The following FNDC1 variants were observed in gnomAD, a reference collection of about 807,000 sequenced individuals.
FNDC1 encodes fibronectin type III domain containing 1.
In FNDC1, 96 loss-of-function variants were observed where a neutral mutation model predicts 168.0. That is an observed-to-expected ratio of 0.57 (90% confidence interval 0.48 to 0.68). FNDC1 has a LOEUF of 0.68. Among genes scored for constraint, FNDC1 ranks in the 30% least tolerant of loss-of-function variants. The pLI is 0.00. For synonymous variants in FNDC1, 1,099 were observed against 1,025.9 expected, an observed-to-expected ratio of 1.07 and a Z score of -1.36; for missense variants, 2,587 against 2,482.1, an observed-to-expected ratio of 1.04 and a Z score of -0.90.
chr6:159,269,242 T>TATC lies in FNDC1; in HGVS notation c.5569+1317_5569+1319dup, dbSNP rs1177899372. Among the ~76,000 whole-genome samples the TATC allele has an allele frequency of 4.4e-3, 425 of 96,380 alleles. 3 individuals carry two copies. The highest frequency in any genetic ancestry group is 0.015 in the African/African-American group (343 of 22,334). The allele number at this position is 96,380 out of a possible 152,430, so 63.2% of individuals were successfully genotyped here. A position where few individuals can be genotyped will look rare whatever the true frequency, so the allele number is the denominator to read the frequency against. ...CTATCTATCTATCTATCTATCTATC[T>TATC]ATCTATCCATCTATCATCTATCTAT... is the stretch of plus-strand genomic sequence containing the variant. On this transcript the variant is annotated intron_variant, in intron 22 of 22. Coordinates refer to ENST00000297267, the MANE Select transcript of FNDC1 (RefSeq NM_032532.3).
At chr6:159,230,619 T>C (rs1783060647) in intron 10 of FNDC1, among the ~76,000 whole-genome samples, 1 of 152,238 alleles carries the variant, frequency 6.6e-6, no homozygotes. Flanking sequence ...ATTTCAGTTG[T>C]CTAGCTTACC....
intron 14 of FNDC1, chr6:159,240,858 T>C (rs953018582): frequency 6.6e-6 from 1 of 152,214 alleles, no homozygotes; most frequent in African/African-American, 2.4e-5. Flanking sequence ...TTGAAATGAA[T>C]TGCAATGTCA....
chr6:159,248,677 A>T (rs1222755106), intron 15 of FNDC1, among the ~76,000 whole-genome samples: 1 of 152,220 alleles, frequency 6.6e-6, no homozygotes, highest in African/African-American at 2.4e-5. Context: ...AGGGAACATT[A>T]TGCAGGTAGA....
chr6:159,175,032 G>A (rs295325), intron 1 of FNDC1, among the ~76,000 whole-genome samples: 159 of 152,262 alleles, frequency 1.0e-3, no homozygotes, highest in African/African-American at 3.6e-3. Flanking sequence ...AAAATAACTT[G>A]AGAGGTGTTC....
rs112745839 is a variant in FNDC1 at position 159,179,136 on chromosome 6, C to T, written c.109+9431C>T. 4.6e-5 allele frequency among the ~76,000 whole-genome samples: 7 copies of T among 152,350 alleles called. 1 individual carries two copies. Among genetic ancestry groups the T allele is most frequent in the African/African-American group, 1.7e-4 (7 of 41,594 alleles). ...CTTAGGGCTTTTGCGCTGGCCGTTC[C>T]TTTTGCCTGAGCAACCTTCCATGAA... On this transcript the variant is annotated intron_variant, in intron 1 of 22. Transcript: ENST00000297267.
At chr6:159,211,125 C>A (rs1306412707) in intron 4 of FNDC1, among the ~76,000 whole-genome samples, 1 of 152,190 alleles carries the variant, frequency 6.6e-6, no homozygotes, top group East Asian at 1.9e-4. Flanking sequence ...GGTGGGGCAG[C>A]TGCCTGGGGT....
chr6:159,268,723 C>CATCTATCT (rs59162576), intron 22 of FNDC1, among the ~76,000 whole-genome samples: 79,295 of 149,710 alleles, frequency 0.53, 23,678 homozygotes, highest in Middle Eastern at 0.66. Context: ...TTTATGCATC[C>CATCTATCT]ATCTATCTAT....
At position 159,188,838 on chromosome 6, in the gene FNDC1, C is replaced by T. The variant is rs568706472; in HGVS notation, c.110-8593C>T. On this transcript the variant is annotated intron_variant, in intron 1 of 22. Transcript: ENST00000297267. ...TCTCAGCTCACTGCAACCTCCGCCTCCCAGGTTCAAGCGATTATCCTGCCT... is the reference window on the plus strand; with the variant it reads ...TCTCAGCTCACTGCAACCTCCGCCTTCCAGGTTCAAGCGATTATCCTGCCT... Among the ~76,000 whole-genome samples, 181 of 151,784 alleles carry T rather than the reference C, an allele frequency of 1.2e-3. 2 individuals are homozygous for T. Among genetic ancestry groups the T allele is most frequent in the African/African-American group, 4.2e-3 (173 of 41,350 alleles).
chr6:159,268,549 ATC>A lies in FNDC1; in HGVS notation c.5569+633_5569+634del, dbSNP rs372955155. On this transcript the variant is annotated intron_variant, in intron 22 of 22. Coordinates refer to ENST00000297267, the MANE Select transcript of FNDC1 (RefSeq NM_032532.3). The stretch of plus-strand genomic sequence containing the variant: ...CTCATCCAAAGAAACAATCAATAGG[ATC>A]TCTCTCTCTATCTATCCACCCATCC... Among the ~76,000 whole-genome samples, 177 of 152,230 alleles carry A rather than the reference ATC, an allele frequency of 1.2e-3. 4 individuals are homozygous for A. Among genetic ancestry groups the A allele is most frequent in the African/African-American group, 4.2e-3 (173 of 41,550 alleles).
chr6:159,204,188 C>T (rs532571862), intron 4 of FNDC1, among the ~76,000 whole-genome samples: 4 of 152,296 alleles, frequency 2.6e-5, no homozygotes, highest in African/African-American at 2.4e-5. Context: ...GCGTGACAAT[C>T]GCTTGCGGAC....
intron 1 of FNDC1, among the ~76,000 whole-genome samples, chr6:159,196,388 T>C (rs1562632860): frequency 6.6e-6 from 1 of 152,220 alleles, no homozygotes. Context: ...ATGGGCAATT[T>C]TGGGAGGAGT....
intron 11 of FNDC1, 76 bp downstream of exon 11, chr6:159,234,555 C>A: frequency 1.4e-6 from 2 of 1,401,504 alleles, no homozygotes; most frequent in Non-Finnish European, 2.0e-6. Context: ...AGTTTTTATT[C>A]TATTGCATTT....
intron 1 of FNDC1, among the ~76,000 whole-genome samples, chr6:159,185,117 A>G (rs1781968446): frequency 6.6e-6 from 1 of 150,702 alleles, no homozygotes; most frequent in African/African-American, 2.4e-5. Flanking sequence ...TTTTGCTTAC[A>G]CTGGATCCTA....
chr6:159,215,630 TTATTAAG>T (rs1424972642), intron 5 of FNDC1, among the ~76,000 whole-genome samples: 2 of 152,040 alleles, frequency 1.3e-5, no homozygotes, highest in Admixed American at 6.5e-5. Flanking sequence ...AAAGGGGAGT[TTATTAAG>T]TATTAACTCA....
chr6:159,257,597 A>C (rs1281841171), intron 18 of FNDC1, among the ~76,000 whole-genome samples: 2 of 152,160 alleles, frequency 1.3e-5, no homozygotes, highest in Non-Finnish European at 2.9e-5. Context: ...TTGGAACAAA[A>C]TGGCCCTCAT....
rs1028037587 is a variant in FNDC1 at position 159,169,883 on chromosome 6, G to T, written c.109+178G>T. 4.4e-4 allele frequency: 106 copies of T among 239,900 alleles called. No homozygotes were observed. The highest frequency in any genetic ancestry group is 2.2e-3 in the African/African-American group (98 of 43,672). 14.9% of individuals were successfully genotyped at this position (239,900 alleles called of 1,614,324 possible). ...TGGGTGGCGGGAGCGGGGACGCCTC[G>T]GTGCCCGGGGACCGCAGCGCGCTGG... On this transcript the variant is annotated intron_variant, in intron 1 of 22. Coordinates refer to ENST00000297267, the MANE Select transcript of FNDC1 (RefSeq NM_032532.3). This position sits in a 1 kb window ranked among gnomAD's most constrained non-coding sequence, Gnocchi z 6.8.
chr6:159,184,416 C>A (rs76962039), intron 1 of FNDC1, among the ~76,000 whole-genome samples: 13,395 of 152,174 alleles, frequency 0.088, 619 homozygotes, highest in Non-Finnish European at 0.1. Context: ...AGTGTATTTT[C>A]CCCTTTTTAT....
intron 14 of FNDC1, among the ~76,000 whole-genome samples, chr6:159,244,091 C>T (rs577074754): frequency 9.9e-5 from 15 of 151,956 alleles, no homozygotes; most frequent in East Asian, 3.9e-4. Flanking sequence ...TTTTATCTGG[C>T]GAAAAGCAAT....
At chr6:159,207,432 T>A (rs1429570263) in intron 4 of FNDC1, among the ~76,000 whole-genome samples, 2 of 152,128 alleles carry the variant, frequency 1.3e-5, no homozygotes, top group Non-Finnish European at 2.9e-5. Context: ...TACAGTAGTT[T>A]AATAAAACCT....
Sources: gnomAD v4.1 joint callset for allele counts (sites outside exome capture counted in the v4.1 genomes callset) on GRCh38, gnomAD v4.1.1 for gene constraint, Gnocchi (gnomAD v3.1) non-coding constraint, MANE v1.5 for transcripts, NCBI Gene and HGNC (gene_info 2026-07-23, HGNC 2026-07-21) for gene names.